The following SLIT2 variants were observed in gnomAD, a reference collection of about 807,000 sequenced individuals.
SLIT2 encodes slit homolog 2 protein.
In SLIT2, 41 loss-of-function variants were observed where a neutral mutation model predicts 185.7. The observed-to-expected ratio is 0.22, with a 90% CI of 0.17 to 0.29. The LOEUF is 0.29. Among genes scored for constraint, SLIT2 ranks in the 10% least tolerant of loss-of-function variants. SLIT2 has a pLI of 1.00. For synonymous variants in SLIT2, 693 were observed against 680.2 expected, an observed-to-expected ratio of 1.02 and a Z score of -0.29; for missense variants, 1,571 against 1,909.0, an observed-to-expected ratio of 0.82 and a Z score of 3.30.
intron 9 of SLIT2, among the ~76,000 whole-genome samples, chr4:20,509,774 C>G (rs1310438025): frequency 6.6e-6 from 1 of 152,190 alleles, no homozygotes; most frequent in African/African-American, 2.4e-5. Flanking sequence ...TCTTGTCTTT[C>G]TCTGTTAGCA....
intron 24 of SLIT2, among the ~76,000 whole-genome samples, chr4:20,550,021 A>G (rs936382195): frequency 6.6e-6 from 1 of 152,124 alleles, no homozygotes; most frequent in African/African-American, 2.4e-5. Flanking sequence ...AAGGATTCCA[A>G]AAGTAACTGT....
intron 4 of SLIT2, among the ~76,000 whole-genome samples, chr4:20,465,396 C>T (rs1284855424): frequency 6.6e-6 from 1 of 152,102 alleles, no homozygotes; most frequent in African/African-American, 2.4e-5. Context: ...GCAACTATTG[C>T]ATTTAGTAGG....
chr4:20,342,467 C>T (rs1445615903), intron 4 of SLIT2, among the ~76,000 whole-genome samples: 1 of 152,026 alleles, frequency 6.6e-6, no homozygotes, highest in Non-Finnish European at 1.5e-5. Context: ...TACAGAATCT[C>T]ACATAGCTTT....
intron 9 of SLIT2, among the ~76,000 whole-genome samples, chr4:20,500,969 T>A (rs1718679836): frequency 6.6e-6 from 1 of 152,194 alleles, no homozygotes; most frequent in Non-Finnish European, 1.5e-5. Context: ...GTCAGTATTA[T>A]TTTATCTCTG....
At chr4:20,618,646 A>G (rs762175311) in intron 36 of SLIT2, 122 bp from the exon 37 acceptor site, 3 of 984,470 alleles carry the variant, frequency 3.0e-6, no homozygotes, top group Non-Finnish European at 4.5e-6. Context: ...CCAGCTAATA[A>G]TATGTAAAGC....
chr4:20,288,106 A>C (rs1056185798), intron 4 of SLIT2, among the ~76,000 whole-genome samples: 5 of 152,260 alleles, frequency 3.3e-5, no homozygotes, highest in African/African-American at 9.6e-5. Flanking sequence ...CCAGGTAAAC[A>C]ATCATGGCTG....
At chr4:20,477,396 A>G (rs1716237270) in intron 5 of SLIT2, among the ~76,000 whole-genome samples, 1 of 151,854 alleles carries the variant, frequency 6.6e-6, no homozygotes, top group Admixed American at 6.6e-5. Flanking sequence ...ATGGGGTTTC[A>G]CCATGTTGGC....
intron 4 of SLIT2, among the ~76,000 whole-genome samples, chr4:20,438,710 C>G (rs1404445649): frequency 6.6e-6 from 1 of 152,334 alleles, no homozygotes; most frequent in Non-Finnish European, 1.5e-5. Flanking sequence ...TCTCTGATCT[C>G]TCTGTTCAAC....
chr4:20,513,679 G>A (rs1400524965), intron 11 of SLIT2, among the ~76,000 whole-genome samples: 8 of 151,954 alleles, frequency 5.3e-5, no homozygotes. Flanking sequence ...ACATCTATCT[G>A]TAGATGAAAA....
chr4:20,449,714 CAT>C (rs1712256643), intron 4 of SLIT2, among the ~76,000 whole-genome samples: 1 of 152,058 alleles, frequency 6.6e-6, no homozygotes, highest in Non-Finnish European at 1.5e-5. Flanking sequence ...GCCAAAAAAA[CAT>C]TTTTTTTATT....
intron 29 of SLIT2, among the ~76,000 whole-genome samples, chr4:20,586,665 AAG>A (rs1727090881): frequency 6.6e-6 from 1 of 152,220 alleles, no homozygotes; most frequent in Non-Finnish European, 1.5e-5. Context: ...AATGCTCATT[AAG>A]TACATAAACA....
At chr4:20,443,618 T>G (rs140152103) in intron 4 of SLIT2, among the ~76,000 whole-genome samples, 2 of 147,826 alleles carry the variant, frequency 1.4e-5, no homozygotes, top group Non-Finnish European at 3.0e-5. Flanking sequence ...AAGAGTAATT[T>G]GGAACTAGAC....
At chr4:20,257,085 T>G (rs909008340) in intron 2 of SLIT2, among the ~76,000 whole-genome samples, 21 of 152,234 alleles carry the variant, frequency 1.4e-4, no homozygotes, top group African/African-American at 4.8e-4. Flanking sequence ...GATTTGAAAT[T>G]AACTAAAATA....
chr4:20,397,091 GATTA>G (rs1452612645), intron 4 of SLIT2, among the ~76,000 whole-genome samples: 5 of 151,588 alleles, frequency 3.3e-5, no homozygotes, highest in Non-Finnish European at 7.4e-5. Context: ...TGCATGAAGT[GATTA>G]ATTAATTCAT....
chr4:20,256,730 C>T lies in SLIT2; in HGVS notation c.238C>T (p.His80Tyr). The T allele has an allele frequency of 6.5e-7, 1 of 1,530,506 alleles. No individual in the cohort carries two copies. The highest frequency in any genetic ancestry group is 9.0e-7 in the Non-Finnish European group (1 of 1,114,366). The allele number at this position is 1,530,506 out of a possible 1,614,324, so 94.8% of individuals were successfully genotyped here. Residue 80 changes from histidine (H) to tyrosine (Y), a missense_variant, in exon 2 of 37, where the codon CAT becomes TAT. Coordinates refer to ENST00000504154, the MANE Select transcript of SLIT2 (RefSeq NM_004787.4). ...ITKTDFAGLR[H>Y]LRVLQLMENK... The stretch of plus-strand genomic sequence containing the variant: ...GAAGACAGATTTTGCTGGTCTTAGA[C>T]ATCTAAGAGTTCTGTAAGTGCATCC...
chr4:20,553,306 TCTC>T (rs1392657339), intron 25 of SLIT2, among the ~76,000 whole-genome samples: 15 of 152,298 alleles, frequency 9.8e-5, no homozygotes, highest in Admixed American at 7.8e-4. Context: ...TGTAAATACT[TCTC>T]CTACATCACT....
chr4:20,465,449 A>G (rs1257207104), intron 4 of SLIT2, among the ~76,000 whole-genome samples: 1 of 152,212 alleles, frequency 6.6e-6, no homozygotes. Flanking sequence ...GTGGGTACAC[A>G]TGGCCCACTT....
At chr4:20,278,781 T>C (rs1714428975) in intron 4 of SLIT2, among the ~76,000 whole-genome samples, 1 of 118,450 alleles carries the variant, frequency 8.4e-6, no homozygotes, top group South Asian at 3.0e-4. Flanking sequence ...CAACTGATAT[T>C]CCAAGCCAAT....
chr4:20,545,892 C>A, intron 21 of SLIT2, 139 bp from the exon 22 acceptor site: 1 of 429,198 alleles, frequency 2.3e-6, no homozygotes, highest in South Asian at 6.7e-5. Context: ...AAATAATAAT[C>A]CATGCTTGGA....
Sources: gnomAD v4.1 joint callset for allele counts (sites outside exome capture counted in the v4.1 genomes callset) on GRCh38, gnomAD v4.1.1 for gene constraint, MANE v1.5 for transcripts, NCBI Gene and HGNC (gene_info 2026-07-23, HGNC 2026-07-21) for gene names.